DLK1: variants seen among roughly 807,000 people sequenced by gnomAD.
The protein encoded by DLK1 is protein delta homolog 1.
Under a neutral mutation model 35.2 loss-of-function variants are expected in DLK1, and 9 were observed. The ratio of observed to expected loss-of-function variants is 0.26; its 90% CI spans 0.15 to 0.45. The LOEUF is 0.45. DLK1 is among the 20% of genes least tolerant of loss of function. The probability of loss-of-function intolerance (pLI) is 1.00; values close to 1 mark genes in which losing one functional copy is unlikely to be tolerated. For missense variants in DLK1, 522 were observed against 528.5 expected, an observed-to-expected ratio of 0.99 and a Z score of 0.12; for synonymous variants, 231 against 228.4, an observed-to-expected ratio of 1.01 and a Z score of -0.10.
Position 100,734,246 on chromosome 14 carries a change from G to A in DLK1, c.502G>A (p.Glu168Lys), listed in dbSNP as rs374473698. 3 of 1,613,248 alleles carry A rather than the reference G, an allele frequency of 1.9e-6. No individual in the cohort carries two copies. Among genetic ancestry groups the A allele is most frequent in the Middle Eastern group, 1.6e-4 (1 of 6,084 alleles). The stretch of plus-strand genomic sequence containing the variant: ...CCCTGGCTTCTCAGGCAATTTCTGC[G>A]AGATCGTGGCCAACAGCTGCACCCC... ...CPPGFSGNFCEIVANSCTPNP... is the reference protein window; with the variant it reads ...CPPGFSGNFCKIVANSCTPNP... Residue 168 changes from glutamate to lysine, a missense_variant, in exon 5 of 5, where the codon GAG (glutamate) becomes AAG (lysine). Coordinates refer to ENST00000341267, the MANE Select transcript of DLK1 (RefSeq NM_003836.7). This position sits in a 1 kb window ranked among gnomAD's most constrained non-coding sequence, Gnocchi z 7.4.
intron 3 of DLK1, 132 bp downstream of exon 3, chr14:100,729,198 C>G (rs1031532371): frequency 1.4e-6 from 2 of 1,469,132 alleles, no homozygotes; most frequent in Non-Finnish European, 1.9e-6. Context: ...GCCCTGTATT[C>G]TAAAGATCTG....
In DLK1 at chr14:100,726,928, C is replaced by A; in HGVS notation, c.-141C>A. 1.4e-6 allele frequency: 1 copy of A among 715,972 alleles called. No homozygotes were observed. Among genetic ancestry groups the A allele is most frequent in the African/African-American group, 1.9e-5 (1 of 53,618 alleles). 44.4% of individuals were successfully genotyped at this position (715,972 alleles called of 1,614,324 possible). A position where few individuals can be genotyped will look rare whatever the true frequency, so the allele number is the denominator to read the frequency against. On this transcript the variant is annotated 5_prime_UTR_variant, in exon 1 of 5. Transcript: ENST00000341267. The surrounding 1 kb of genome is among the most constrained non-coding windows in gnomAD (Gnocchi z 4.2). Reference sequence around the variant, plus strand: ...GGCAGCGGCGGTGGAGAGCGCAGCGCGCAGCCCGGTGCAGCCCTGGCTTTC... The same window carrying A: ...GGCAGCGGCGGTGGAGAGCGCAGCGAGCAGCCCGGTGCAGCCCTGGCTTTC...
rs1220884188 is a variant in DLK1, at chr14:100,726,932, G to T, written c.-137G>T. On this transcript the variant is annotated 5_prime_UTR_variant, in exon 1 of 5. Transcript: ENST00000341267. The surrounding 1 kb of genome is among the most constrained non-coding windows in gnomAD (Gnocchi z 4.2). Reference sequence around the variant, plus strand: ...GCGGCGGTGGAGAGCGCAGCGCGCAGCCCGGTGCAGCCCTGGCTTTCCCCT... The same window carrying T: ...GCGGCGGTGGAGAGCGCAGCGCGCATCCCGGTGCAGCCCTGGCTTTCCCCT... 1 of 754,756 alleles carries T rather than the reference G, an allele frequency of 1.3e-6. No individual in the cohort carries two copies. Among genetic ancestry groups the T allele is most frequent in the East Asian group, 3.7e-5 (1 of 27,224 alleles). The allele number at this position is 754,756 out of a possible 1,614,324, so 46.8% of individuals were successfully genotyped here. A position where few individuals can be genotyped will look rare whatever the true frequency, so the allele number is the denominator to read the frequency against.
rs773152031 is a variant in DLK1 at position 100,734,424 on chromosome 14, C to T, written c.680C>T (p.Thr227Ile). 3.7e-6 allele frequency: 6 copies of T among 1,612,042 alleles called. No individual in the cohort carries two copies. In the South Asian group the frequency reaches 5.5e-5, roughly 15 times the overall value. The change falls in exon 5 of 5, where the codon ACC becomes ATC. Residue 227 changes from threonine to isoleucine, a missense_variant. Transcript: ENST00000341267. The surrounding 1 kb of genome is among the most constrained non-coding windows in gnomAD (Gnocchi z 7.4). ...CQNGGTCLQH[T>I]QVSYECLCKP... ...AACGGGGGCACCTGCCTGCAGCACA[C>T]CCAGGTGAGCTACGAGTGTCTGTGC...
intron 3 of DLK1, among the ~76,000 whole-genome samples, chr14:100,730,515 G>C (rs532592782): frequency 6.6e-6 from 1 of 152,290 alleles, no homozygotes; most frequent in East Asian, 1.9e-4. Context: ...GGCTGTCGTG[G>C]CCACAGCTGC....
At chr14:100,731,917 C>A in intron 3 of DLK1, 125 bp from the exon 4 acceptor site, 1 of 1,256,174 alleles carries the variant, frequency 8.0e-7, no homozygotes. Flanking sequence ...TGAGGGGGCT[C>A]CCTAAACCCT....
At position 100,731,926 on chromosome 14, in the gene DLK1, CTCTTACT is replaced by C. The variant is rs1567021557; in HGVS notation, c.263-115_263-109del. ...TTTTTTTGAGGGGGCTCCCTAAACC[CTCTTACT>C]CCAGACCCCACTCGGTGGCCATAGA... On this transcript the variant is annotated intron_variant, in intron 3 of 4. Transcript: ENST00000341267. 8.1e-6 allele frequency: 11 copies of C among 1,356,316 alleles called. No homozygotes were observed. The Admixed American group carries it at 2.6e-4, about 32-fold the overall frequency. 84.0% of individuals were successfully genotyped at this position (1,356,316 alleles called of 1,614,324 possible).
intron 3 of DLK1, among the ~76,000 whole-genome samples, chr14:100,731,547 C>G (rs2036507131): frequency 1.3e-5 from 2 of 152,118 alleles, no homozygotes; most frequent in South Asian, 2.1e-4. Context: ...CTCCATCCCC[C>G]CCACTGCCCC....
chr14:100,727,165 C>T (rs534754401), intron 1 of DLK1, 30 bp downstream of exon 1: 1 of 1,538,722 alleles, frequency 6.5e-7, no homozygotes, highest in Non-Finnish European at 8.7e-7. Flanking sequence ...GGCTCGCGCC[C>T]CCTCTGGGGA....
rs1427335539 is a variant in DLK1, at chr14:100,734,507, G to A, written c.763G>A (p.Val255Ile). 1.2e-6 allele frequency: 2 copies of A among 1,611,256 alleles called. No individual in the cohort carries two copies. Among genetic ancestry groups the A allele is most frequent in the Admixed American group, 1.7e-5 (1 of 59,946 alleles). The change falls in exon 5 of 5, where the codon GTC (valine) becomes ATC (isoleucine). Residue 255 changes from valine (V) to isoleucine (I), a missense_variant. Coordinates refer to ENST00000341267, the MANE Select transcript of DLK1 (RefSeq NM_003836.7). This position sits in a 1 kb window ranked among gnomAD's most constrained non-coding sequence, Gnocchi z 7.4. ...VKKRALSPQQ[V>I]TRLPSGYGLA... is the part of the protein sequence containing the mutation. ...GAAGCGCGCGCTGAGCCCCCAGCAG[G>A]TCACCCGTCTGCCCAGCGGCTATGG...
At chr14:100,727,675 CG>C (rs1008124137) in intron 1 of DLK1, among the ~76,000 whole-genome samples, 9 of 152,230 alleles carry the variant, frequency 5.9e-5, no homozygotes, top group African/African-American at 2.2e-4. Flanking sequence ...CTTCCTGCAG[CG>C]CCCCCCCACT....
At position 100,734,533 on chromosome 14, in the gene DLK1, G is replaced by T. The variant is rs934191567; in HGVS notation, c.789G>T (p.Gly263=). The T allele has an allele frequency of 4.3e-6, 7 of 1,612,458 alleles. No individual in the cohort carries two copies. Among genetic ancestry groups the T allele is most frequent in the Non-Finnish European group, 5.9e-6 (7 of 1,179,458 alleles). The part of the protein sequence containing the change: ...QQVTRLPSGY[G]LAYRLTPGVH... Reference sequence around the variant, plus strand: ...TCACCCGTCTGCCCAGCGGCTATGGGCTGGCCTACCGCCTGACCCCTGGGG... The same window carrying T: ...TCACCCGTCTGCCCAGCGGCTATGGTCTGGCCTACCGCCTGACCCCTGGGG... The change falls in exon 5 of 5, where the codon GGG becomes GGT. Residue 263 remains glycine, a synonymous_variant. Coordinates refer to ENST00000341267, the MANE Select transcript of DLK1 (RefSeq NM_003836.7). The surrounding 1 kb of genome is among the most constrained non-coding windows in gnomAD (Gnocchi z 7.4).
intron 3 of DLK1, among the ~76,000 whole-genome samples, chr14:100,731,158 G>A (rs2036502549): frequency 6.6e-6 from 1 of 152,190 alleles, no homozygotes; most frequent in South Asian, 2.1e-4. Flanking sequence ...GAACTCTGCT[G>A]CCACATGGCA....
At chr14:100,733,570 C>CTAATAA (rs147104355) in intron 4 of DLK1, among the ~76,000 whole-genome samples, 20 of 151,524 alleles carry the variant, frequency 1.3e-4, no homozygotes, top group African/African-American at 4.1e-4. Flanking sequence ...ATCCACACCG[C>CTAATAA]TAATAATAAT....
chr14:100,730,972 C>A (rs527917887), intron 3 of DLK1, among the ~76,000 whole-genome samples: 2 of 137,814 alleles, frequency 1.5e-5, no homozygotes, highest in African/African-American at 5.2e-5. Context: ...CCCCTCCCCC[C>A]ACCCCCTCCA....
At position 100,735,096 on chromosome 14, in the gene DLK1, GAAT is replaced by G. The variant is rs1351077665; in HGVS notation, c.*209_*211del. On this transcript the variant is annotated 3_prime_UTR_variant, in exon 5 of 5. Coordinates refer to ENST00000341267, the MANE Select transcript of DLK1 (RefSeq NM_003836.7). Reference sequence around the variant, plus strand: ...TTTCTCTCTCTTAATGCATGATACAGAATAATAATAAGAATTTCATCTTTAAAT... The same window carrying G: ...TTTCTCTCTCTTAATGCATGATACAGAATAATAAGAATTTCATCTTTAAAT... 11 of 468,740 alleles carry G rather than the reference GAAT, an allele frequency of 2.3e-5. No homozygotes were observed. In the South Asian group the frequency reaches 3.4e-4, roughly 15 times the overall value. The allele number at this position is 468,740 out of a possible 1,614,324, so 29.0% of individuals were successfully genotyped here.
rs746359450 is a variant in DLK1 at position 100,734,391 on chromosome 14, C to A, written c.647C>A (p.Pro216Gln). ...CCGGTGACCAACTGCGCCAGCAGCCCGTGCCAGAACGGGGGCACCTGCCTG... is the reference window on the plus strand; with the variant it reads ...CCGGTGACCAACTGCGCCAGCAGCCAGTGCCAGAACGGGGGCACCTGCCTG... ...SRPVTNCASS[P>Q]CQNGGTCLQH... The change falls in exon 5 of 5, where the codon CCG becomes CAG. Residue 216 changes from proline to glutamine, a missense_variant. By Grantham distance (76) the Pro-to-Gln change is moderately conservative (BLOSUM62 -1). Coordinates refer to ENST00000341267, the MANE Select transcript of DLK1 (RefSeq NM_003836.7). The surrounding 1 kb of genome is among the most constrained non-coding windows in gnomAD (Gnocchi z 7.4). 14 of 1,611,706 alleles carry A rather than the reference C, an allele frequency of 8.7e-6. No individual in the cohort carries two copies. The highest frequency in any genetic ancestry group is 1.2e-5 in the Non-Finnish European group (14 of 1,179,016).
In DLK1 at chr14:100,734,529, A is replaced by G. The variant is rs1226156467; in HGVS notation, c.785A>G (p.Tyr262Cys). 2 of 1,612,336 alleles carry G rather than the reference A, an allele frequency of 1.2e-6. No homozygotes were observed. The highest frequency in any genetic ancestry group is 1.7e-6 in the Non-Finnish European group (2 of 1,179,326). The change falls in exon 5 of 5, where the codon TAT (tyrosine) becomes TGT (cysteine). Residue 262 changes from tyrosine to cysteine, a missense_variant. Physicochemically the swap from Tyr to Cys is radical, Grantham distance 194 (BLOSUM62 -2). Transcript: ENST00000341267. This position sits in a 1 kb window ranked among gnomAD's most constrained non-coding sequence, Gnocchi z 7.4. Reference sequence around the variant, plus strand: ...CAGGTCACCCGTCTGCCCAGCGGCTATGGGCTGGCCTACCGCCTGACCCCT... The same window carrying G: ...CAGGTCACCCGTCTGCCCAGCGGCTGTGGGCTGGCCTACCGCCTGACCCCT... ...PQQVTRLPSG[Y>C]GLAYRLTPGV...
At chr14:100,733,867 C>T (rs1243839605) in intron 4 of DLK1, among the ~76,000 whole-genome samples, 1 of 152,096 alleles carries the variant, frequency 6.6e-6, no homozygotes, top group Non-Finnish European at 1.5e-5. Context: ...CATGGGAGGT[C>T]GGGTGTGTCC....
Sources: allele counts gnomAD v4.1 joint callset (sites outside exome capture counted in the v4.1 genomes callset), GRCh38; gene constraint gnomAD v4.1.1; non-coding constraint Gnocchi (gnomAD v3.1); transcripts MANE v1.5; gene names NCBI Gene and HGNC (gene_info 2026-07-23, HGNC 2026-07-21).